Variants in TTLL8 observed in about 807,000 individuals in gnomAD.
The protein encoded by TTLL8 is tubulin tyrosine ligase like 8, also known as protein monoglycylase TTLL8.
In TTLL8, 65 loss-of-function variants were observed where a neutral mutation model predicts 77.8. That is an observed-to-expected ratio of 0.84 (90% CI 0.68 to 1.03). The LOEUF is 1.03. Among genes scored for constraint, TTLL8 ranks in the 50% least tolerant of loss-of-function variants. The pLI, the probability that TTLL8 is intolerant of heterozygous loss-of-function variation, is 0.00. For synonymous variants in TTLL8, 402 were observed against 422.8 expected, an observed-to-expected ratio of 0.95 and a Z score of 0.60; for missense variants, 910 against 1,004.5, an observed-to-expected ratio of 0.91 and a Z score of 1.27.
At chr22:50,024,070 T>C (rs144965477) in intron 12 of TTLL8, among the ~76,000 whole-genome samples, 1 of 152,264 alleles carries the variant, frequency 6.6e-6, no homozygotes, top group East Asian at 1.9e-4. Context: ...TCAAATGACA[T>C]AGAGTAGCCA....
intron 8 of TTLL8, among the ~76,000 whole-genome samples, chr22:50,038,010 TAC>T (rs139308851): frequency 8.6e-5 from 13 of 150,972 alleles, no homozygotes; most frequent in Admixed American, 2.0e-4. Context: ...TAACATGTTA[TAC>T]ACACACACAC....
intron 4 of TTLL8, 38 bp downstream of exon 6, chr22:50,047,130 T>C: frequency 7.3e-7 from 1 of 1,364,748 alleles, no homozygotes; most frequent in South Asian, 1.1e-5. Context: ...CCCACCACCC[T>C]TGCCGGCTCC....
At chr22:50,036,448 G>C (rs1027835766) in intron 8 of TTLL8, among the ~76,000 whole-genome samples, 2 of 152,132 alleles carry the variant, frequency 1.3e-5, no homozygotes, top group African/African-American at 2.4e-5. Flanking sequence ...ACACCACCCA[G>C]ATCGAGACAG....
chr22:50,036,012 G>A (rs2061333725), intron 8 of TTLL8, among the ~76,000 whole-genome samples: 1 of 152,234 alleles, frequency 6.6e-6, no homozygotes, highest in African/African-American at 2.4e-5. Context: ...GGAGCACCGC[G>A]CAGGAGCTGG....
At chr22:50,052,165 C>T (rs552591771) in intron 1 of TTLL8, among the ~76,000 whole-genome samples, 9 of 152,250 alleles carry the variant, frequency 5.9e-5, no homozygotes, top group East Asian at 1.9e-4. Context: ...GCCTGTCACC[C>T]GCCCACGTGG....
At chr22:50,043,697 C>T (rs5771320) in intron 6 of TTLL8, among the ~76,000 whole-genome samples, 3 of 151,784 alleles carry the variant, frequency 2.0e-5, no homozygotes, top group Non-Finnish European at 4.4e-5. Context: ...AAAAGAAAAG[C>T]GCTCTCAAGC....
chr22:50,029,490 C>T (rs2146640564), intron 12 of TTLL8, among the ~76,000 whole-genome samples: 1 of 151,724 alleles, frequency 6.6e-6, no homozygotes, highest in Admixed American at 6.6e-5. Flanking sequence ...GCCTGTAATC[C>T]CAGCACCTTG....
intron 11 of TTLL8, 187 bp downstream of exon 12, chr22:50,031,499 C>T (rs2061292422): frequency 8.3e-6 from 8 of 968,684 alleles, no homozygotes; most frequent in Non-Finnish European, 9.8e-6. Context: ...AGGCACTGAG[C>T]CCCATGGGAG....
chr22:50,022,258 G>A (rs34507172), intron 12 of TTLL8, among the ~76,000 whole-genome samples: 60,524 of 136,140 alleles, frequency 0.44, 12,722 homozygotes, highest in South Asian at 0.54. Context: ...GTACTCCTCC[G>A]TCTGATGTGC....
chr22:50,044,652 G>A lies in TTLL8; in HGVS notation c.643+603C>T, dbSNP rs767249502. Among the ~76,000 whole-genome samples the A allele has an allele frequency of 6.6e-6, 1 of 152,180 alleles. No homozygotes were observed. Among genetic ancestry groups the A allele is most frequent in the African/African-American group, 2.4e-5 (1 of 41,446 alleles). On this transcript the variant is annotated intron_variant, in intron 6 of 13. Transcript: ENST00000266182. This position sits in a 1 kb window ranked among gnomAD's most constrained non-coding sequence, Gnocchi z 4.2. ...CGCCAATGTTCATCTGTCAACAGTC[G>A]AAGCGCACTGCTCTGGTGGGGGATG...
At chr22:50,021,379 G>A in intron 12 of TTLL8, among the ~76,000 whole-genome samples, 1 of 132,078 alleles carries the variant, frequency 7.6e-6, no homozygotes, top group Non-Finnish European at 1.6e-5. Flanking sequence ...TCCTCCATCT[G>A]ATGACGTGCA....
At chr22:50,052,001 A>G (rs1158609495) in intron 1 of TTLL8, among the ~76,000 whole-genome samples, 2 of 152,120 alleles carry the variant, frequency 1.3e-5, no homozygotes, top group Non-Finnish European at 2.9e-5. Flanking sequence ...GTAGCTGGGA[A>G]CCCTGAGTCT....
At chr22:50,023,834 C>A (rs985424460) in intron 12 of TTLL8, among the ~76,000 whole-genome samples, 1 of 152,122 alleles carries the variant, frequency 6.6e-6, no homozygotes, top group African/African-American at 2.4e-5. Flanking sequence ...GCCTGGCCAA[C>A]ACAGTGAAAC....
intron 8 of TTLL8, among the ~76,000 whole-genome samples, chr22:50,039,982 C>T (rs1377040045): frequency 6.6e-6 from 1 of 150,934 alleles, no homozygotes; most frequent in Non-Finnish European, 1.5e-5. Context: ...TCATGTGTGC[C>T]AGCAGGGACA....
intron 12 of TTLL8, among the ~76,000 whole-genome samples, chr22:50,021,067 A>C (rs2061194899): frequency 7.8e-6 from 1 of 127,892 alleles, no homozygotes. Context: ...TCTGACCTGC[A>C]CTCCTCCATC....
chr22:50,026,422 G>A (rs531276003), intron 12 of TTLL8, among the ~76,000 whole-genome samples: 3 of 118,416 alleles, frequency 2.5e-5, no homozygotes, highest in Admixed American at 9.1e-5. Flanking sequence ...ACCTCAGAGC[G>A]GAGGGTCAGA....
exon 12 of TTLL8, chr22:50,030,495 A>C (rs1217706063): frequency 1.5e-6 from 2 of 1,343,422 alleles, no homozygotes; most frequent in African/African-American, 1.5e-5. Flanking sequence ...CACAGGCTCC[A>C]GCGGGTGCGC....
chr22:50,042,840 G>T (rs1001550927), intron 6 of TTLL8, among the ~76,000 whole-genome samples: 1 of 152,222 alleles, frequency 6.6e-6, no homozygotes, highest in Non-Finnish European at 1.5e-5. Flanking sequence ...GACCACATCA[G>T]ACGCTGGCGA....
rs539961784 is a variant in TTLL8, at chr22:50,033,599, G to T, written c.1040-154C>A. On this transcript the variant is annotated intron_variant, in intron 9 of 13. Transcript: ENST00000266182. ...AGCATGGTTGGTGGGGGCGATGGGG[G>T]AGCAGGGAAGGCTTAGCGCTCATGG... Among the ~76,000 whole-genome samples, 4 of 152,358 alleles carry T rather than the reference G, an allele frequency of 2.6e-5. No individual in the cohort carries two copies. In the South Asian group the frequency reaches 8.3e-4, roughly 32 times the overall value.
Sources: allele counts gnomAD v4.1 joint callset (sites outside exome capture counted in the v4.1 genomes callset), GRCh38; gene constraint gnomAD v4.1.1; non-coding constraint Gnocchi (gnomAD v3.1); transcripts MANE v1.5; gene names NCBI Gene and HGNC (gene_info 2026-07-23, HGNC 2026-07-21).